The following KIF17 variants were observed in gnomAD, a reference collection of about 807,000 sequenced individuals.
KIF17 encodes the protein kinesin family member 17.
KIF17 carries 80 observed loss-of-function variants against 96.8 expected under a neutral mutation model. That is an observed-to-expected ratio of 0.83 (90% CI 0.69 to 1.00). The LOEUF (loss-of-function observed/expected upper bound fraction) is 1.00. KIF17 is among the 50% of genes least tolerant of loss of function. KIF17 has a pLI of 0.00. For missense variants in KIF17, 1,280 were observed against 1,372.9 expected (o/e 0.93, Z 1.07); for synonymous variants, 567 against 587.5 (o/e 0.97, Z 0.51).
At chr1:20,710,871 G>T (rs2054423416) in intron 3 of KIF17, among the ~76,000 whole-genome samples, 1 of 152,132 alleles carries the variant, frequency 6.6e-6, no homozygotes, top group Non-Finnish European at 1.5e-5. Context: ...CTGTTTGTTA[G>T]TGGGGTCATA....
At position 20,690,258 on chromosome 1, in the gene KIF17, G is replaced by A; in HGVS notation, c.1311C>T (p.Asp437=). 4 of 1,563,690 alleles carry A rather than the reference G, an allele frequency of 2.6e-6. No homozygotes were observed. In the East Asian group the frequency reaches 9.6e-5, roughly 37 times the overall value. ...EQESRARLEE[D]ITAMRNSYDV... Reference sequence around the variant, plus strand: ...CATATGAGTTGCGCATGGCAGTGATGTCTTCCTCCAGCCTGGCCCGAGACT... The same window carrying A: ...CATATGAGTTGCGCATGGCAGTGATATCTTCCTCCAGCCTGGCCCGAGACT... Residue 437 remains aspartate, a synonymous_variant, in exon 7 of 15, where the codon GAC becomes GAT. Transcript: ENST00000400463.
chr1:20,714,744 C>A (rs1321113926), intron 2 of KIF17, among the ~76,000 whole-genome samples: 6 of 139,792 alleles, frequency 4.3e-5, no homozygotes, highest in African/African-American at 1.6e-4. Flanking sequence ...TTGCAGTGAG[C>A]CAAGGTCATG....
At chr1:20,669,203 A>G (rs914953021) in intron 13 of KIF17, among the ~76,000 whole-genome samples, 1 of 152,078 alleles carries the variant, frequency 6.6e-6, no homozygotes, top group Non-Finnish European at 1.5e-5. Context: ...TGGGGACAGT[A>G]GCTCCCAGCT....
At chr1:20,713,604 C>T (rs762997156) in intron 2 of KIF17, 49 bp from the exon 3 acceptor site, 1 of 1,413,244 alleles carries the variant, frequency 7.1e-7, no homozygotes, top group Non-Finnish European at 9.9e-7. Context: ...TCGAAGTCCA[C>T]CTGCTGCCAG....
intron 6 of KIF17, among the ~76,000 whole-genome samples, chr1:20,690,975 C>A (rs945059446): frequency 6.6e-6 from 1 of 151,894 alleles, no homozygotes; most frequent in Non-Finnish European, 1.5e-5. Flanking sequence ...GCGTGAGACA[C>A]CACGCCCGGC....
Position 20,699,130 on chromosome 1 carries a change from G to A in KIF17, c.1124-642C>T, listed in dbSNP as rs973413778. 1.3e-5 allele frequency among the ~76,000 whole-genome samples: 2 copies of A among 152,002 alleles called. No homozygotes were observed. Among genetic ancestry groups the A allele is most frequent in the Non-Finnish European group, 2.9e-5 (2 of 68,012 alleles). On this transcript the variant is annotated intron_variant, in intron 5 of 14. Transcript: ENST00000400463. The surrounding 1 kb of genome is among the most constrained non-coding windows in gnomAD (Gnocchi z 4.3). ...ACACCCAGCTAATCTTTTATTTTTT[G>A]TAGAGATGGGGTCTCGCCATGTTGT...
chr1:20,694,154 G>C (rs540658662), intron 6 of KIF17: 1 of 152,028 alleles, frequency 6.6e-6, no homozygotes, highest in Admixed American at 6.6e-5. Context: ...CTAGAGTGCA[G>C]TGGCATGATC....
At position 20,703,298 on chromosome 1, in the gene KIF17, T is replaced by C. The variant is rs571741676; in HGVS notation, c.1123+1149A>G. On this transcript the variant is annotated intron_variant, in intron 5 of 14. Transcript: ENST00000400463. The stretch of plus-strand genomic sequence containing the variant: ...ATGAATAGATGGATGCATGGACAAA[T>C]GGATGGAAGAAAGGATCAGTGGATG... 7.3e-5 allele frequency among the ~76,000 whole-genome samples: 11 copies of C among 151,454 alleles called. No homozygotes were observed. The South Asian group carries it at 2.3e-3, about 32-fold the overall frequency.
At chr1:20,711,065 T>A (rs959189481) in intron 3 of KIF17, among the ~76,000 whole-genome samples, 1 of 152,106 alleles carries the variant, frequency 6.6e-6, no homozygotes, top group Admixed American at 6.6e-5. Flanking sequence ...GTTCTGTGAC[T>A]TGCTGGTTGG....
At chr1:20,702,212 C>T (rs1007009021) in intron 5 of KIF17, among the ~76,000 whole-genome samples, 1 of 152,220 alleles carries the variant, frequency 6.6e-6, no homozygotes, top group Admixed American at 6.5e-5. Flanking sequence ...GGCTGAGTTG[C>T]TTGTCTGAGG....
At chr1:20,678,518 G>A (rs954390859) in intron 11 of KIF17, among the ~76,000 whole-genome samples, 4 of 152,134 alleles carry the variant, frequency 2.6e-5, no homozygotes, top group African/African-American at 4.8e-5. Flanking sequence ...ACATGCAGAA[G>A]AACCAGGAGA....
rs747121741 is a variant in KIF17, at chr1:20,686,142, G to C, written c.1939-16C>G. Reference sequence around the variant, plus strand: ...GCGCAGGGACCTGGGAGGAAAGAGGGGATGGAGGAGAAAGAAGGCTGATTT... The same window carrying C: ...GCGCAGGGACCTGGGAGGAAAGAGGCGATGGAGGAGAAAGAAGGCTGATTT... On this transcript the variant is annotated splice_polypyrimidine_tract_variant and intron_variant, in intron 8 of 14. Coordinates refer to ENST00000400463, the MANE Select transcript of KIF17 (RefSeq NM_001122819.3). The C allele has an allele frequency of 6.4e-7, 1 of 1,557,572 alleles. No homozygotes were observed. The highest frequency in any genetic ancestry group is 1.7e-4 in the Middle Eastern group (1 of 5,866).
intron 3 of KIF17, 119 bp downstream of exon 3, chr1:20,713,335 C>T (rs954481681): frequency 1.7e-5 from 12 of 691,798 alleles, no homozygotes; most frequent in African/African-American, 7.3e-5. Flanking sequence ...AAAAAAGTCC[C>T]GACTCTAGCC....
intron 5 of KIF17, 35 bp from the exon 6 acceptor site, chr1:20,698,523 G>C (rs1317455252): frequency 7.1e-7 from 1 of 1,399,992 alleles, no homozygotes; most frequent in Admixed American, 1.7e-5. Flanking sequence ...GCCAGGATGA[G>C]GGGCACATTG....
intron 6 of KIF17, among the ~76,000 whole-genome samples, chr1:20,694,519 G>A (rs2054098851): frequency 6.6e-6 from 1 of 152,184 alleles, no homozygotes; most frequent in South Asian, 2.1e-4. Context: ...AGCCACTGCT[G>A]ACAGAGGTGC....
At chr1:20,686,560 CT>C (rs1553150487) in intron 8 of KIF17, among the ~76,000 whole-genome samples, 1 of 151,458 alleles carries the variant, frequency 6.6e-6, no homozygotes, top group Non-Finnish European at 1.5e-5. Flanking sequence ...GAAAATAGGA[CT>C]TTTTTTTTCT....
chr1:20,664,743 T>C lies in KIF17; in HGVS notation c.2928A>G (p.Pro976=). ...TGTTGCTGAGTGGGCAGCTGAGGCCTGGTGGCGAGTTGTGATGTGCTGTGG... is the reference window on the plus strand; with the variant it reads ...TGTTGCTGAGTGGGCAGCTGAGGCCCGGTGGCGAGTTGTGATGTGCTGTGG... ...RKSLTHHNSP[P]GLSCPLSNNS... Residue 976 remains proline, a synonymous_variant, in exon 15 of 15, where the codon CCA becomes CCG. Coordinates refer to ENST00000400463, the MANE Select transcript of KIF17 (RefSeq NM_001122819.3). 1 of 1,612,022 alleles carries C rather than the reference T, an allele frequency of 6.2e-7. No homozygotes were observed. Among genetic ancestry groups the C allele is most frequent in the Non-Finnish European group, 8.5e-7 (1 of 1,179,780 alleles).
intron 13 of KIF17, among the ~76,000 whole-genome samples, chr1:20,670,018 T>C (rs1254656653): frequency 1.4e-5 from 2 of 141,696 alleles, no homozygotes; most frequent in Admixed American, 7.2e-5. Flanking sequence ...AGACAGAATA[T>C]GAGAGACGGG....
At chr1:20,705,994 G>A (rs990049818) in intron 4 of KIF17, among the ~76,000 whole-genome samples, 1 of 136,622 alleles carries the variant, frequency 7.3e-6, no homozygotes, top group Non-Finnish European at 1.5e-5. Flanking sequence ...ATACAGCCTC[G>A]AACTCCCAGG....
Sources: allele counts gnomAD v4.1 joint callset (sites outside exome capture counted in the v4.1 genomes callset), GRCh38; gene constraint gnomAD v4.1.1; non-coding constraint Gnocchi (gnomAD v3.1); transcripts MANE v1.5; gene names NCBI Gene and HGNC (gene_info 2026-07-23, HGNC 2026-07-21).